Variants in CISD3 observed in about 807,000 individuals in gnomAD.
CISD3 encodes the protein CDGSH iron sulfur domain 3, also known as CDGSH iron-sulfur domain-containing protein 3, mitochondrial.
A neutral mutation model predicts 14.1 loss-of-function variants in CISD3; 11 were observed. That is an observed-to-expected ratio of 0.78 (90% confidence interval 0.49 to 1.29). CISD3 has a LOEUF of 1.29. CISD3 is among the 50% of genes most tolerant of loss of function. The probability of loss-of-function intolerance (pLI) is 0.00; values close to 1 mark genes in which losing one functional copy is unlikely to be tolerated. For synonymous variants in CISD3, 53 were observed against 69.2 expected, an observed-to-expected ratio of 0.77 and a Z score of 1.16; for missense variants, 156 against 171.6, an observed-to-expected ratio of 0.91 and a Z score of 0.51.
rs1218889139 is a variant in CISD3, at chr17:38,735,506, C to T, written c.*2051C>T. On this transcript the variant is annotated 3_prime_UTR_variant, in exon 4 of 4. Transcript: ENST00000613478. Reference sequence around the variant, plus strand: ...GACTGACTCACACTCGGACGCCCCGCTGGTGTTGGTGCCCTCGGAGGGGGT... The same window carrying T: ...GACTGACTCACACTCGGACGCCCCGTTGGTGTTGGTGCCCTCGGAGGGGGT... 1 of 1,592,918 alleles carries T rather than the reference C, an allele frequency of 6.3e-7. No individual in the cohort carries two copies. Among genetic ancestry groups the T allele is most frequent in the Non-Finnish European group, 8.5e-7 (1 of 1,169,970 alleles).
intron 3 of CISD3, among the ~76,000 whole-genome samples, chr17:38,732,939 A>C (rs1336265467): frequency 2.1e-5 from 1 of 47,628 alleles, no homozygotes; most frequent in Non-Finnish European, 4.0e-5. Context: ...AGACTCAGAG[A>C]CACACACACA....
At chr17:38,732,868 C>T (rs77317404) in intron 3 of CISD3, among the ~76,000 whole-genome samples, 1 of 151,732 alleles carries the variant, frequency 6.6e-6, no homozygotes, top group Non-Finnish European at 1.5e-5. Flanking sequence ...AGTGTACTCT[C>T]CAGCCCAAAG....
intron 3 of CISD3, chr17:38,731,743 T>G: frequency 6.3e-6 from 2 of 319,922 alleles, no homozygotes; most frequent in Non-Finnish European, 1.2e-5. Context: ...CACCTGGCCC[T>G]TCCCTGTCTC....
intron 1 of CISD3, 110 bp from the exon 2 acceptor site, chr17:38,730,650 C>T: frequency 8.8e-7 from 1 of 1,140,038 alleles, no homozygotes; most frequent in South Asian, 1.3e-5. Context: ...TCAGCCCTGT[C>T]ACCTCCTCCT....
At chr17:38,733,139 T>A in intron 3 of CISD3, 137 bp from the exon 4 acceptor site, 1 of 708,332 alleles carries the variant, frequency 1.4e-6, no homozygotes, top group Middle Eastern at 2.5e-4. Context: ...GAGAGGTCAC[T>A]CAGTGAGCCT....
At chr17:38,732,152 T>C (rs1047329199) in intron 3 of CISD3, among the ~76,000 whole-genome samples, 1 of 152,214 alleles carries the variant, frequency 6.6e-6, no homozygotes, top group Non-Finnish European at 1.5e-5. Flanking sequence ...TTTGCCTCCC[T>C]GGCCCCTTTC....
In CISD3 at chr17:38,730,782, TCTC is replaced by T. The variant is rs757289717; in HGVS notation, c.77_79del (p.Ser26del). The T allele has an allele frequency of 6.4e-6, 10 of 1,551,482 alleles. No individual in the cohort carries two copies. The South Asian group carries it at 9.5e-5, about 15-fold the overall frequency. On this transcript the variant is annotated inframe_deletion, in exon 2 of 4. Coordinates refer to ENST00000613478, the MANE Select transcript of CISD3 (RefSeq NM_001136498.2). ...CAGGACCTGAACCCGCGGCGGGACA[TCTC>T]CTCCTGGCTGGTGAGTCCCCCCATC...
chr17:38,730,804 C>G lies in CISD3; in HGVS notation c.84+9C>G, dbSNP rs1598008143. 2 of 1,551,390 alleles carry G rather than the reference C, an allele frequency of 1.3e-6. No individual in the cohort carries two copies. Among genetic ancestry groups the G allele is most frequent in the East Asian group, 4.9e-5 (2 of 40,910 alleles). On this transcript the variant is annotated intron_variant, in intron 2 of 3. Coordinates refer to ENST00000613478, the MANE Select transcript of CISD3 (RefSeq NM_001136498.2). Reference sequence around the variant, plus strand: ...ACATCTCCTCCTGGCTGGTGAGTCCCCCCATCCTCCCCTCCTCCTCGCACA... The same window carrying G: ...ACATCTCCTCCTGGCTGGTGAGTCCGCCCATCCTCCCCTCCTCCTCGCACA...
At chr17:38,731,222 A>G (rs1447310286) in intron 2 of CISD3, 98 bp from the exon 3 acceptor site, 2 of 1,473,578 alleles carry the variant, frequency 1.4e-6, no homozygotes, top group African/African-American at 2.8e-5. Flanking sequence ...GAAACCTGCC[A>G]CACACACAGG....
chr17:38,730,372 G>GA lies in CISD3; in HGVS notation c.14_15insA (p.Ala6GlyfsTer29), dbSNP rs2143729686. The stretch of plus-strand genomic sequence containing the variant: ...CGGGAGGCGACCATGCGCGGCGCGG[G>GA]GGCGATCCTGCGGCCGGCGGCGCGT... On this transcript the variant is annotated frameshift_variant, in exon 1 of 4. Coordinates refer to ENST00000613478, the MANE Select transcript of CISD3 (RefSeq NM_001136498.2). LOFTEE classifies it high-confidence loss of function. The GA allele has an allele frequency of 1.7e-6, 2 of 1,188,368 alleles. No individual in the cohort carries two copies. Among genetic ancestry groups the GA allele is most frequent in the East Asian group, 3.6e-5 (1 of 27,702 alleles). The allele number at this position is 1,188,368 out of a possible 1,614,324, so 73.6% of individuals were successfully genotyped here. A position where few individuals can be genotyped will look rare whatever the true frequency, so the allele number is the denominator to read the frequency against.
Position 38,734,040 on chromosome 17 carries a change from C to T in CISD3, c.*585C>T, listed in dbSNP as rs1906483219. The T allele has an allele frequency of 6.6e-6, 1 of 152,412 alleles. No individual in the cohort carries two copies. The allele number at this position is 152,412 out of a possible 1,614,324, so 9.4% of individuals were successfully genotyped here. ...GGGCTCCCAACCCCACACACCTACG[C>T]TATGATGGAATCTCGAGTCTCGACT... On this transcript the variant is annotated 3_prime_UTR_variant, in exon 4 of 4. Transcript: ENST00000613478.
In CISD3 at chr17:38,733,630, A is replaced by G; in HGVS notation, c.*175A>G. 1 of 673,628 alleles carries G rather than the reference A, an allele frequency of 1.5e-6. No individual in the cohort carries two copies. The highest frequency in any genetic ancestry group is 2.3e-6 in the Non-Finnish European group (1 of 429,080). 41.7% of individuals were successfully genotyped at this position (673,628 alleles called of 1,614,324 possible). On this transcript the variant is annotated 3_prime_UTR_variant, in exon 4 of 4. Transcript: ENST00000613478. Reference sequence around the variant, plus strand: ...AAGTCTCCAGTCTGGGGCAGGCGGGAGTGGGCCCTGGTTCAATGTTTGCTG... The same window carrying G: ...AAGTCTCCAGTCTGGGGCAGGCGGGGGTGGGCCCTGGTTCAATGTTTGCTG...
chr17:38,731,912 G>A, intron 3 of CISD3: 1 of 163,318 alleles, frequency 6.1e-6, no homozygotes, highest in Non-Finnish European at 1.3e-5. Context: ...GGGTGGTATG[G>A]CCATAGACAC....
chr17:38,733,658 G>A lies in CISD3; in HGVS notation c.*203G>A, dbSNP rs1002286801. The A allele has an allele frequency of 1.7e-6, 1 of 572,248 alleles. No homozygotes were observed. The highest frequency in any genetic ancestry group is 1.9e-5 in the African/African-American group (1 of 52,078). The allele number at this position is 572,248 out of a possible 1,614,324, so 35.4% of individuals were successfully genotyped here. A position where few individuals can be genotyped will look rare whatever the true frequency, so the allele number is the denominator to read the frequency against. ...GGGCCCTGGTTCAATGTTTGCTGAT[G>A]GGGAAGATGGCAAAAACAAGCCTGC... is the stretch of plus-strand genomic sequence containing the variant. On this transcript the variant is annotated 3_prime_UTR_variant, in exon 4 of 4. Coordinates refer to ENST00000613478, the MANE Select transcript of CISD3 (RefSeq NM_001136498.2).
rs1349805834 is a variant in CISD3, at chr17:38,735,336, C to T, written c.*1881C>T. 1 of 1,552,774 alleles carries T rather than the reference C, an allele frequency of 6.4e-7. No individual in the cohort carries two copies. Among genetic ancestry groups the T allele is most frequent in the Admixed American group, 1.9e-5 (1 of 53,396 alleles). On this transcript the variant is annotated 3_prime_UTR_variant, in exon 4 of 4. Transcript: ENST00000613478. ...CCCCCGTTGGCAGCTGTGGTGGCCCCACTGGCTGTCGAAGGGGGAGTGGGG... is the reference window on the plus strand; with the variant it reads ...CCCCCGTTGGCAGCTGTGGTGGCCCTACTGGCTGTCGAAGGGGGAGTGGGG...
Position 38,735,263 on chromosome 17 carries a change from T to G in CISD3, c.*1808T>G, listed in dbSNP as rs1906595700. 2 of 1,466,694 alleles carry G rather than the reference T, an allele frequency of 1.4e-6. No individual in the cohort carries two copies. The highest frequency in any genetic ancestry group is 1.4e-5 in the African/African-American group (1 of 71,362). The allele number at this position is 1,466,694 out of a possible 1,614,324, so 90.9% of individuals were successfully genotyped here. ...CACGGGAGCGCCGTTGACAGTCATC[T>G]TGCGCCCCCTGCTGGTGGAGGATGG... On this transcript the variant is annotated 3_prime_UTR_variant, in exon 4 of 4. Transcript: ENST00000613478.
rs1488030339 is a variant in CISD3, at chr17:38,733,258, C to T, written c.205-18C>T. 2.8e-5 allele frequency: 44 copies of T among 1,551,144 alleles called. No individual in the cohort carries two copies. The highest frequency in any genetic ancestry group is 1.7e-4 in the Middle Eastern group (1 of 6,014). The stretch of plus-strand genomic sequence containing the variant: ...GCAGGTGGGGTCAGGTCTTTGACTC[C>T]TGTCTTTCCCCCACCAGCCCTTCTG... On this transcript the variant is annotated intron_variant, in intron 3 of 3. Coordinates refer to ENST00000613478, the MANE Select transcript of CISD3 (RefSeq NM_001136498.2).
rs1215164870 is a variant in CISD3 at position 38,733,536 on chromosome 17, G to A, written c.*81G>A. ...CCCCCTTCTGTGGGAAAGGAAACAGGTGCTGAGCCCAAGAGACTCTGGTAC... is the reference window on the plus strand; with the variant it reads ...CCCCCTTCTGTGGGAAAGGAAACAGATGCTGAGCCCAAGAGACTCTGGTAC... On this transcript the variant is annotated 3_prime_UTR_variant, in exon 4 of 4. Coordinates refer to ENST00000613478, the MANE Select transcript of CISD3 (RefSeq NM_001136498.2). 7 of 1,362,862 alleles carry A rather than the reference G, an allele frequency of 5.1e-6. No homozygotes were observed. The highest frequency in any genetic ancestry group is 2.5e-5 in the East Asian group (1 of 39,610). 84.4% of individuals were successfully genotyped at this position (1,362,862 alleles called of 1,614,324 possible).
chr17:38,730,405 G>T lies in CISD3; in HGVS notation c.47G>T (p.Arg16Leu), dbSNP rs535247574. ...AILRPAARGARDLNPRRDISS... is the reference protein window; with the variant it reads ...AILRPAARGALDLNPRRDISS... ...CTGCGGCCGGCGGCGCGTGGTGCCC[G>T]GGTGAGCACCCCCGCCCTGCACCAG... The change falls in exon 1 of 4, where the codon CGG (arginine) becomes CTG (leucine). Residue 16 changes from arginine to leucine, a missense_variant and splice_region_variant. Coordinates refer to ENST00000613478, the MANE Select transcript of CISD3 (RefSeq NM_001136498.2). The T allele has an allele frequency of 8.2e-7, 1 of 1,217,850 alleles. No homozygotes were observed. The highest frequency in any genetic ancestry group is 3.3e-5 in the East Asian group (1 of 30,302). The allele number at this position is 1,217,850 out of a possible 1,614,324, so 75.4% of individuals were successfully genotyped here.
Sources: gnomAD v4.1 joint callset for allele counts (sites outside exome capture counted in the v4.1 genomes callset) on GRCh38, gnomAD v4.1.1 for gene constraint, MANE v1.5 for transcripts, NCBI Gene and HGNC (gene_info 2026-07-23, HGNC 2026-07-21) for gene names.